KDM6A: variants seen among roughly 807,000 people sequenced by gnomAD.
KDM6A encodes the protein lysine demethylase 6A.
In KDM6A, 11 loss-of-function variants were observed where a neutral mutation model predicts 117.6. That is an observed-to-expected ratio of 0.09 (90% CI 0.06 to 0.15). The LOEUF (loss-of-function observed/expected upper bound fraction) is 0.15. Ranked by LOEUF, KDM6A falls within the 10% of genes least tolerant of loss-of-function variation. The pLI, the probability that KDM6A is intolerant of heterozygous loss-of-function variation, is 1.00. For missense variants in KDM6A, 799 were observed against 1,077.3 expected (o/e 0.74, Z 3.62); for synonymous variants, 384 against 396.1 (o/e 0.97, Z 0.36).
intron 6 of KDM6A, among the ~76,000 whole-genome samples, chrX:45,027,796 C>CTT (rs753896163): frequency 4.0e-5 from 4 of 99,668 alleles, no homozygotes; most frequent in African/African-American, 1.5e-4. Context: ...TTTTTTGGTA[C>CTT]TTTTTTTTTT....
chrX:45,047,228 A>ATT (rs200757041), intron 8 of KDM6A, among the ~76,000 whole-genome samples: 93 of 103,087 alleles, frequency 9.0e-4, no homozygotes, highest in African/African-American at 2.6e-3. Flanking sequence ...CTGGGGTTTG[A>ATT]TTTTTTTTTT....
intron 27 of KDM6A, chrX:45,106,810 C>T (rs2046544082): frequency 8.4e-6 from 2 of 239,472 alleles, no homozygotes; most frequent in Middle Eastern, 1.2e-3. Context: ...ATGGATTCCA[C>T]TGTTACCTTC....
intron 3 of KDM6A, among the ~76,000 whole-genome samples, chrX:44,962,988 C>T (rs2038759610): frequency 8.9e-6 from 1 of 111,862 alleles, no homozygotes; most frequent in Non-Finnish European, 1.9e-5. Flanking sequence ...AAAGGTTTCT[C>T]TGTAGCATAT....
chrX:44,969,827 A>G (rs748980115), intron 3 of KDM6A, among the ~76,000 whole-genome samples: 1 of 112,358 alleles, frequency 8.9e-6, no homozygotes, highest in African/African-American at 3.2e-5. Flanking sequence ...GGCTTCTCCA[A>G]AATTGTCAAT....
At chrX:45,023,673 G>T (rs769851355) in intron 6 of KDM6A, among the ~76,000 whole-genome samples, 4 of 111,486 alleles carry the variant, frequency 3.6e-5, no homozygotes, top group Admixed American at 9.6e-5. Context: ...AGTTTTGGGG[G>T]AACAGGTGGT....
rs202026871 is a variant in KDM6A, at chrX:44,949,229, C to CA, written c.226-12047dup. ...TGTACGTGGCGAAACCTTGTCTCTA[C>CA]AAAAAAAATACAAAAATTAGCTGGG... On this transcript the variant is annotated intron_variant, in intron 2 of 29. Transcript: ENST00000611820. Among the ~76,000 whole-genome samples the CA allele has an allele frequency of 6.0e-3, 660 of 109,708 alleles. 7 individuals carry two copies. Among genetic ancestry groups the CA allele is most frequent in the African/African-American group, 0.021 (623 of 30,141 alleles).
At chrX:45,082,181 G>A (rs1193058584) in intron 21 of KDM6A, among the ~76,000 whole-genome samples, 2 of 110,557 alleles carry the variant, frequency 1.8e-5, no homozygotes, top group Admixed American at 9.6e-5. Flanking sequence ...ATTCACGCCT[G>A]TAATCCCAGC....
chrX:45,037,856 T>C (rs1466193830), intron 8 of KDM6A, among the ~76,000 whole-genome samples, 167 bp downstream of exon 8: 1 of 112,320 alleles, frequency 8.9e-6, no homozygotes, highest in African/African-American at 3.2e-5. Context: ...AAGATGCTGC[T>C]TAGTAAAACA....
chrX:45,021,585 A>C (rs755769203), intron 6 of KDM6A, among the ~76,000 whole-genome samples: 4 of 111,789 alleles, frequency 3.6e-5, no homozygotes, highest in Non-Finnish European at 7.5e-5. Context: ...GGAACTACTG[A>C]AGGTTAAAAA....
chrX:45,082,851 G>T (rs1475842201), intron 23 of KDM6A, 62 bp downstream of exon 23: 2 of 723,800 alleles, frequency 2.8e-6, no homozygotes, highest in Non-Finnish European at 4.3e-6. Flanking sequence ...GCTAGATTGG[G>T]AATTCTCTAC....
intron 4 of KDM6A, among the ~76,000 whole-genome samples, chrX:45,006,003 C>G (rs1388782342): frequency 1.3e-5 from 1 of 76,124 alleles, no homozygotes; most frequent in Non-Finnish European, 2.5e-5. Flanking sequence ...CCACCCACCA[C>G]CCACCACCCA....
intron 17 of KDM6A, among the ~76,000 whole-genome samples, chrX:45,064,767 T>C (rs1263699998): frequency 8.9e-6 from 1 of 112,184 alleles, no homozygotes; most frequent in East Asian, 2.8e-4. Flanking sequence ...TCTTATATTA[T>C]TGATAAAACT....
intron 2 of KDM6A, among the ~76,000 whole-genome samples, chrX:44,894,008 T>G (rs762383874): frequency 1.8e-5 from 2 of 112,107 alleles, no homozygotes; most frequent in Non-Finnish European, 3.8e-5. Context: ...CATATACTTC[T>G]TTGTGTACAT....
chrX:45,007,679 A>G (rs1296540643), intron 4 of KDM6A, among the ~76,000 whole-genome samples: 1 of 112,431 alleles, frequency 8.9e-6, no homozygotes, highest in Non-Finnish European at 1.9e-5. Flanking sequence ...CAAGGAATAC[A>G]GGCAGTGATC....
intron 10 of KDM6A, among the ~76,000 whole-genome samples, chrX:45,056,041 T>C (rs2044058867): frequency 9.0e-6 from 1 of 111,383 alleles, no homozygotes; most frequent in Admixed American, 9.5e-5. Flanking sequence ...TAATTTTACA[T>C]TGTAAAACAT....
intron 4 of KDM6A, among the ~76,000 whole-genome samples, chrX:44,992,206 C>CTTTTTTTTTTTTTTTTTT (rs779979560): frequency 3.1e-5 from 1 of 32,060 alleles, no homozygotes; most frequent in African/African-American, 1.0e-4. Flanking sequence ...CTGTCTTCTT[C>CTTTTTTTTTTTTTTTTTT]TTTTTTTTTT....
At chrX:45,011,040 T>C (rs377280317) in intron 5 of KDM6A, 21 bp downstream of exon 5, 2 of 1,118,098 alleles carry the variant, frequency 1.8e-6, no homozygotes, top group Non-Finnish European at 2.5e-6. Context: ...ATAAAACCAG[T>C]AATTCAGTCA....
At chrX:44,903,938 A>T (rs2034505257) in intron 2 of KDM6A, among the ~76,000 whole-genome samples, 1 of 111,880 alleles carries the variant, frequency 8.9e-6, no homozygotes, top group Non-Finnish European at 1.9e-5. Flanking sequence ...AGTTTTGTCT[A>T]GTAAGCTCAT....
At chrX:45,104,093 C>T (rs1477392757) in intron 27 of KDM6A, among the ~76,000 whole-genome samples, 1 of 105,304 alleles carries the variant, frequency 9.5e-6, no homozygotes, top group Non-Finnish European at 1.9e-5. Context: ...GGTGCGATCT[C>T]GTCTCACCAC....
Sources: allele counts gnomAD v4.1 joint callset (sites outside exome capture counted in the v4.1 genomes callset), GRCh38; gene constraint gnomAD v4.1.1; transcripts MANE v1.5; gene names NCBI Gene and HGNC (gene_info 2026-07-23, HGNC 2026-07-21).